CCDC110: variants seen among roughly 807,000 people sequenced by gnomAD.
CCDC110 encodes the protein coiled-coil domain-containing protein 110.
CCDC110 carries 70 observed loss-of-function variants against 77.1 expected under a neutral mutation model. The ratio of observed to expected loss-of-function variants is 0.91; its 90% confidence interval spans 0.75 to 1.11. The LOEUF is 1.11. CCDC110 is among the 50% of genes least tolerant of loss of function. The probability of loss-of-function intolerance (pLI) is 0.00; values close to 1 mark genes in which losing one functional copy is unlikely to be tolerated. For missense variants in CCDC110, 868 were observed against 942.9 expected (o/e 0.92, Z 1.04); for synonymous variants, 295 against 312.5 (o/e 0.94, Z 0.59).
intron 2 of CCDC110, among the ~76,000 whole-genome samples, chr4:185,469,067 A>G (rs952464846): frequency 1.1e-4 from 17 of 152,250 alleles, no homozygotes; most frequent in African/African-American, 4.1e-4. Flanking sequence ...CCATTCCAAT[A>G]AGGGTTAATT....
chr4:185,466,437 A>AG (rs1446450093), intron 2 of CCDC110, among the ~76,000 whole-genome samples: 37 of 152,316 alleles, frequency 2.4e-4, no homozygotes, highest in African/African-American at 8.4e-4. Context: ...GGACATGCAT[A>AG]GAAGCCCGAA....
chr4:185,458,275 T>A lies in CCDC110; in HGVS notation c.2312A>T (p.Tyr771Phe), dbSNP rs770286028. 1 of 1,599,570 alleles carries A rather than the reference T, an allele frequency of 6.3e-7. No homozygotes were observed. The highest frequency in any genetic ancestry group is 8.5e-7 in the Non-Finnish European group (1 of 1,176,392). Residue 771 changes from tyrosine to phenylalanine, a missense_variant, in exon 6 of 7, where the codon TAT (tyrosine) becomes TTT (phenylalanine). Transcript: ENST00000307588. ...EFEMRHLQRE[Y>F]LSLSDKICNQ... ...ACAAATTTTATCACTTAAACTTAAA[T>A]ATTCTCGTTGAAGATGCCGCATCTC...
Position 185,461,173 on chromosome 4 carries a change from A to G in CCDC110, c.238-14T>C. The stretch of plus-strand genomic sequence containing the variant: ...TTCCGACTGTACCTTTAAAAGATAA[A>G]TTGAGAAAAATTTGATTTCAGATTT... On this transcript the variant is annotated splice_polypyrimidine_tract_variant and intron_variant, in intron 4 of 6. Coordinates refer to ENST00000307588, the MANE Select transcript of CCDC110 (RefSeq NM_152775.4). 1.5e-6 allele frequency: 2 copies of G among 1,307,586 alleles called. No homozygotes were observed. Among genetic ancestry groups the G allele is most frequent in the Non-Finnish European group, 1.1e-6 (1 of 925,122 alleles). The allele number at this position is 1,307,586 out of a possible 1,614,324, so 81.0% of individuals were successfully genotyped here.
chr4:185,462,818 G>A (rs945467218), intron 3 of CCDC110, 110 bp from the exon 4 acceptor site: 24 of 1,079,722 alleles, frequency 2.2e-5, no homozygotes, highest in African/African-American at 1.2e-4. Context: ...AAAAGATCCC[G>A]TGAGGGTCAG....
At chr4:185,462,788 C>G in intron 3 of CCDC110, 80 bp from the exon 4 acceptor site, 1 of 1,286,476 alleles carries the variant, frequency 7.8e-7, no homozygotes, top group Non-Finnish European at 1.1e-6. Flanking sequence ...TTTATGTCTC[C>G]CAAAGTTGCC....
chr4:185,470,295 CA>C (rs2095663499), intron 2 of CCDC110, among the ~76,000 whole-genome samples: 2 of 152,216 alleles, frequency 1.3e-5, no homozygotes, highest in Non-Finnish European at 2.9e-5. Flanking sequence ...GTCCCTAATA[CA>C]AAATGGGGTA....
At chr4:185,453,992 A>AT (rs2095632781) in intron 6 of CCDC110, among the ~76,000 whole-genome samples, 1 of 151,596 alleles carries the variant, frequency 6.6e-6, no homozygotes, top group Non-Finnish European at 1.5e-5. Flanking sequence ...TTAATTTTGT[A>AT]TTTTTAGTAG....
At chr4:185,462,459 A>T (rs1262045069) in intron 4 of CCDC110, among the ~76,000 whole-genome samples, 184 bp downstream of exon 4, 1 of 152,094 alleles carries the variant, frequency 6.6e-6, no homozygotes, top group African/African-American at 2.4e-5. Context: ...CTTGTTTCCA[A>T]ATACAAGTAT....
chr4:185,462,804 C>G (rs1019508385), intron 3 of CCDC110, 96 bp from the exon 4 acceptor site: 1 of 1,190,470 alleles, frequency 8.4e-7, no homozygotes, highest in African/African-American at 1.5e-5. Flanking sequence ...TTGCCTATTA[C>G]TTGAAAAGAT....
chr4:185,449,649 T>TG (rs750223011), intron 6 of CCDC110: 1 of 1,529,438 alleles, frequency 6.5e-7, no homozygotes. Context: ...TATTAGCAAC[T>TG]GGAAGACAAG....
intron 6 of CCDC110, among the ~76,000 whole-genome samples, chr4:185,450,889 T>A (rs2095628054): frequency 6.6e-6 from 1 of 152,146 alleles, no homozygotes; most frequent in African/African-American, 2.4e-5. Flanking sequence ...TATCTAAATA[T>A]CAAATAATAC....
chr4:185,449,505 A>C (rs2095625014), intron 6 of CCDC110: 1 of 779,932 alleles, frequency 1.3e-6, no homozygotes, highest in Non-Finnish European at 2.0e-6. Context: ...CCTGGGCAAC[A>C]GAGCGAGACC....
chr4:185,454,391 A>G (rs2095633234), intron 6 of CCDC110, among the ~76,000 whole-genome samples: 1 of 152,158 alleles, frequency 6.6e-6, no homozygotes, highest in Non-Finnish European at 1.5e-5. Context: ...TCATAAAGCA[A>G]TTTGAAATCA....
At chr4:185,445,589 C>T (rs1561145098) in intron 6 of CCDC110, 47 bp from the exon 7 acceptor site, 1 of 1,182,182 alleles carries the variant, frequency 8.5e-7, no homozygotes, top group East Asian at 2.4e-5. Flanking sequence ...GCCAACATAA[C>T]TATAATGCTT....
chr4:185,461,962 G>C (rs776268488), intron 4 of CCDC110, among the ~76,000 whole-genome samples: 60 of 152,294 alleles, frequency 3.9e-4, no homozygotes, highest in Middle Eastern at 3.4e-3. Context: ...ACCAGGCATG[G>C]TGGTGGGCAC....
At chr4:185,466,317 G>T (rs13115175) in intron 2 of CCDC110, among the ~76,000 whole-genome samples, 1 of 152,156 alleles carries the variant, frequency 6.6e-6, no homozygotes, top group Non-Finnish European at 1.5e-5. Flanking sequence ...GGAGGTTGCA[G>T]TGAGCCGAGA....
intron 6 of CCDC110, among the ~76,000 whole-genome samples, chr4:185,445,853 T>G (rs191516692): frequency 2.0e-4 from 30 of 152,322 alleles, no homozygotes; most frequent in Non-Finnish European, 4.4e-5. Context: ...TCTTTTTTAT[T>G]TTTTTGAGAC....
intron 6 of CCDC110, among the ~76,000 whole-genome samples, chr4:185,454,412 G>A (rs753290191): frequency 1.6e-4 from 25 of 151,948 alleles, no homozygotes; most frequent in Non-Finnish European, 3.7e-4. Context: ...TTACACTACT[G>A]TTAGAAAGTG....
At chr4:185,460,332 C>G (rs948959079) in intron 5 of CCDC110, 94 bp from the exon 6 acceptor site, 41 of 832,304 alleles carry the variant, frequency 4.9e-5, no homozygotes, top group Middle Eastern at 6.5e-4. Flanking sequence ...ATTTATGTAC[C>G]CTAAACAAGC....
Sources: gnomAD v4.1 joint callset for allele counts (sites outside exome capture counted in the v4.1 genomes callset) on GRCh38, gnomAD v4.1.1 for gene constraint, MANE v1.5 for transcripts, NCBI Gene and HGNC (gene_info 2026-07-23, HGNC 2026-07-21) for gene names.